Variants in RSRP1 observed in about 807,000 individuals in gnomAD.
The protein encoded by RSRP1 is arginine/serine-rich protein 1.
Under a neutral mutation model 33.0 loss-of-function variants are expected in RSRP1, and 37 were observed. The observed-to-expected ratio is 1.12, with a 90% CI of 0.86 to 1.48. RSRP1 has a LOEUF of 1.48. Ranked by LOEUF, RSRP1 falls within the 40% of genes most tolerant of loss-of-function variation. RSRP1 has a pLI of 0.00. For synonymous variants in RSRP1, 167 were observed against 158.7 expected (o/e 1.05, Z -0.40); for missense variants, 402 against 385.3 (o/e 1.04, Z -0.36).
intron 1 of RSRP1, chr1:25,267,886 C>A (rs1229088113): frequency 3.0e-5 from 4 of 131,892 alleles, no homozygotes; most frequent in African/African-American, 1.0e-4. Context: ...GCGGAAAGCC[C>A]CTGAACCCAG....
intron 1 of RSRP1, among the ~76,000 whole-genome samples, chr1:25,316,236 G>A (rs1231547072): frequency 7.7e-6 from 1 of 129,788 alleles, no homozygotes; most frequent in African/African-American, 2.6e-5. Context: ...GGGTAGGGAT[G>A]GGCAGGGGAG....
chr1:25,321,531 G>GTGGT lies in RSRP1; in HGVS notation c.-67+16443_-67+16446dup, dbSNP rs1020056005. ...AAAAAAAAAAAAAAATTAGCTGGAT[G>GTGGT]TGGTGGCAGGCGCCTATAATCTCAG... On this transcript the variant is annotated intron_variant, in intron 1 of 1. Transcript: ENST00000561867. 1.2e-4 allele frequency among the ~76,000 whole-genome samples: 14 copies of GTGGT among 120,894 alleles called. 2 individuals are homozygous for GTGGT. The highest frequency in any genetic ancestry group is 3.6e-4 in the African/African-American group (13 of 36,356). The allele number at this position is 120,894 out of a possible 152,430, so 79.3% of individuals were successfully genotyped here. A position where few individuals can be genotyped will look rare whatever the true frequency, so the allele number is the denominator to read the frequency against.
rs200415166 is a variant in RSRP1 at position 25,306,624 on chromosome 1, C to A, written c.-67+31354G>T. 88 of 1,377,838 alleles carry A rather than the reference C, an allele frequency of 6.4e-5. 9 individuals are homozygous for A. In the East Asian group the frequency reaches 1.1e-3, roughly 18 times the overall value. The allele number at this position is 1,377,838 out of a possible 1,614,324, so 85.4% of individuals were successfully genotyped here. On this transcript the variant is annotated intron_variant, in intron 1 of 1. Transcript: ENST00000561867. ...TGTTGTAACCGAGTGCTGGGGATTC[C>A]CCACAGCTCCATCATGGGCTACAAC...
intron 1 of RSRP1, among the ~76,000 whole-genome samples, chr1:25,309,914 A>C (rs1403367511): frequency 7.5e-6 from 1 of 133,528 alleles, no homozygotes; most frequent in African/African-American, 2.5e-5. Context: ...AGCATCATAT[A>C]GAATGAGTTG....
intron 3 of RSRP1, chr1:25,244,718 T>TC: frequency 8.5e-7 from 1 of 1,176,938 alleles, no homozygotes. Context: ...AGGGTCTCGC[T>TC]CTGCTGCCCA....
chr1:25,243,611 T>C lies in RSRP1; in HGVS notation c.695A>G (p.Asp232Gly). ...KPELSEKVTE[D>G]GTRNPNEKPT... is the part of the protein sequence containing the mutation. ...TTTTTCATTGGGATTTCGAGTTCCA[T>C]CTTCTGTTACCTTTTCCGACAGCTA... The change falls in exon 4 of 5, where the codon GAT becomes GGT. Residue 232 changes from aspartate to glycine, a missense_variant. Transcript: ENST00000243189. The C allele has an allele frequency of 1.9e-6, 3 of 1,613,858 alleles. No individual in the cohort carries two copies. Among genetic ancestry groups the C allele is most frequent in the Non-Finnish European group, 1.7e-6 (2 of 1,179,840 alleles).
At chr1:25,255,519 C>G (rs950743366) in intron 1 of RSRP1, among the ~76,000 whole-genome samples, 4 of 152,172 alleles carry the variant, frequency 2.6e-5, no homozygotes, top group African/African-American at 7.2e-5. Context: ...CAGCAGTCCC[C>G]AACCCTTTCG....
At chr1:25,263,576 T>C (rs1048836056) in intron 1 of RSRP1, among the ~76,000 whole-genome samples, 4 of 151,884 alleles carry the variant, frequency 2.6e-5, no homozygotes, top group Admixed American at 2.6e-4. Context: ...CATGATTCAG[T>C]TACCTCCCAC....
upstream of RSRP1, among the ~76,000 whole-genome samples, chr1:25,251,824 A>G (rs968898197): frequency 5.3e-5 from 8 of 152,204 alleles, no homozygotes; most frequent in East Asian, 1.5e-3. Context: ...GAGATAACCA[A>G]TGTTAACAGT....
rs996302810 is a variant in RSRP1, at chr1:25,246,432, T to C, written c.520+12A>G. Reference sequence around the variant, plus strand: ...ACATTACCACAAATGGAAAGGTAAATGACCCACCCACCTTTTTCACTTAAG... The same window carrying C: ...ACATTACCACAAATGGAAAGGTAAACGACCCACCCACCTTTTTCACTTAAG... On this transcript the variant is annotated intron_variant, in intron 2 of 4. Coordinates refer to ENST00000243189, the MANE Select transcript of RSRP1 (RefSeq NM_020317.5). The C allele has an allele frequency of 2.5e-6, 4 of 1,610,958 alleles. No homozygotes were observed. The highest frequency in any genetic ancestry group is 3.4e-6 in the Non-Finnish European group (4 of 1,177,402).
intron 1 of RSRP1, among the ~76,000 whole-genome samples, chr1:25,273,369 C>G (rs1181817932): frequency 9.8e-6 from 1 of 101,790 alleles, no homozygotes; most frequent in African/African-American, 3.3e-5. Context: ...GTCTCAAACT[C>G]CTGGACACAA....
chr1:25,285,502 C>A (rs971725312), intron 1 of RSRP1, among the ~76,000 whole-genome samples: 4 of 134,828 alleles, frequency 3.0e-5, no homozygotes, highest in African/African-American at 1.0e-4. Context: ...AATAGCCATG[C>A]CTTTATTTTC....
In RSRP1 at chr1:25,330,966, T is replaced by C. The variant is rs1340426421; in HGVS notation, c.-67+7012A>G. Among the ~76,000 whole-genome samples, 25 of 86,474 alleles carry C rather than the reference T, an allele frequency of 2.9e-4. 3 individuals carry two copies. The South Asian group carries it at 8.9e-3, about 31-fold the overall frequency. 56.7% of individuals were successfully genotyped at this position (86,474 alleles called of 152,430 possible). ...GGTGTCATCTTCCTTTTTTTTTTTTTTTTTTTTTTTTTTTTGAGACAGAGT... is the reference window on the plus strand; with the variant it reads ...GGTGTCATCTTCCTTTTTTTTTTTTCTTTTTTTTTTTTTTTGAGACAGAGT... On this transcript the variant is annotated intron_variant, in intron 1 of 1. Transcript: ENST00000561867.
chr1:25,261,748 G>A, intron 1 of RSRP1, among the ~76,000 whole-genome samples: 1 of 120,572 alleles, frequency 8.3e-6, no homozygotes, highest in East Asian at 2.5e-4. Context: ...GTCTTGCTGT[G>A]TTGCCCAGCC....
rs577102531 is a variant in RSRP1 at position 25,313,308 on chromosome 1, A to C, written c.-67+24670T>G. Among the ~76,000 whole-genome samples, 4 of 132,666 alleles carry C rather than the reference A, an allele frequency of 3.0e-5. 1 individual carries two copies. In the South Asian group the frequency reaches 9.2e-4, roughly 31 times the overall value. 87.0% of individuals were successfully genotyped at this position (132,666 alleles called of 152,430 possible). On this transcript the variant is annotated intron_variant, in intron 1 of 1. Coordinates refer to the RSRP1 transcript ENST00000561867. ...CATGTTCTTGGACTTCCCAGCCTCC[A>C]GAACCATGAGCTATATATACTTATT...
At position 25,303,869 on chromosome 1, in the gene RSRP1, A is replaced by C. The variant is rs1388442346; in HGVS notation, c.-67+34109T>G. Among the ~76,000 whole-genome samples, 8 of 124,642 alleles carry C rather than the reference A, an allele frequency of 6.4e-5. 1 individual carries two copies. Among genetic ancestry groups the C allele is most frequent in the South Asian group, 2.5e-4 (1 of 4,042 alleles). 81.8% of individuals were successfully genotyped at this position (124,642 alleles called of 152,430 possible). On this transcript the variant is annotated intron_variant, in intron 1 of 1. Transcript: ENST00000561867. ...ATTGTGGGGTGTAGTCTTTTGCTTCAAGAAAGCAGCCTGGTGGATGGAATC... is the reference window on the plus strand; with the variant it reads ...ATTGTGGGGTGTAGTCTTTTGCTTCCAGAAAGCAGCCTGGTGGATGGAATC...
At position 25,321,899 on chromosome 1, in the gene RSRP1, A is replaced by T. The variant is rs749656573; in HGVS notation, c.-67+16079T>A. 4.1e-5 allele frequency: 53 copies of T among 1,307,582 alleles called. 17 individuals carry two copies. Among genetic ancestry groups the T allele is most frequent in the Admixed American group, 5.4e-5 (3 of 55,622 alleles). The allele number at this position is 1,307,582 out of a possible 1,614,324, so 81.0% of individuals were successfully genotyped here. On this transcript the variant is annotated intron_variant, in intron 1 of 1. Coordinates refer to the RSRP1 transcript ENST00000561867. ...TATGCATTTAAACAGGTTTGCTCCT[A>T]AATCTTAAAATATGGAAAGCACCTC...
At position 25,274,443 on chromosome 1, in the gene RSRP1, C is replaced by T. The variant is rs547054196; in HGVS notation, c.-66-27414G>A. 4.5e-5 allele frequency among the ~76,000 whole-genome samples: 6 copies of T among 132,062 alleles called. 1 individual carries two copies. The highest frequency in any genetic ancestry group is 1.9e-4 in the East Asian group (1 of 5,138). 86.6% of individuals were successfully genotyped at this position (132,062 alleles called of 152,430 possible). The stretch of plus-strand genomic sequence containing the variant: ...TGACTCTAGGGTCCATGTTCTTTAC[C>T]CCTGCACCGTGCTACTAACGTAGGT... On this transcript the variant is annotated intron_variant, in intron 1 of 1. Transcript: ENST00000561867.
At chr1:25,310,166 T>G (rs1644064602) in intron 1 of RSRP1, among the ~76,000 whole-genome samples, 1 of 133,024 alleles carries the variant, frequency 7.5e-6, no homozygotes. Flanking sequence ...TTGTCTGTTT[T>G]TGTACATTAT....
Sources: allele counts gnomAD v4.1 joint callset (sites outside exome capture counted in the v4.1 genomes callset), GRCh38; gene constraint gnomAD v4.1.1; transcripts MANE v1.5; gene names NCBI Gene and HGNC (gene_info 2026-07-23, HGNC 2026-07-21).